The following GSG1L variants were observed in gnomAD, a reference collection of about 807,000 sequenced individuals.
GSG1L encodes the protein germ cell-specific gene 1-like protein.
A neutral mutation model predicts 42.1 loss-of-function variants in GSG1L; 24 were observed. The ratio of observed to expected loss-of-function variants is 0.57; its 90% CI spans 0.41 to 0.80. GSG1L has a LOEUF of 0.80. GSG1L is among the 30% of genes least tolerant of loss of function. The pLI, the probability that GSG1L is intolerant of heterozygous loss-of-function variation, is 0.00. For missense variants in GSG1L, 445 were observed against 472.2 expected (o/e 0.94, Z 0.53); for synonymous variants, 215 against 203.5 (o/e 1.06, Z -0.48).
intron 1 of GSG1L, among the ~76,000 whole-genome samples, chr16:28,057,166 C>T (rs1229020519): frequency 6.6e-6 from 1 of 152,080 alleles, no homozygotes; most frequent in African/African-American, 2.4e-5. Flanking sequence ...TCGACTGTGA[C>T]TGAGTGAGGA....
At chr16:27,998,008 C>G (rs985442358) in intron 1 of GSG1L, among the ~76,000 whole-genome samples, 2 of 152,020 alleles carry the variant, frequency 1.3e-5, no homozygotes, top group Non-Finnish European at 2.9e-5. Flanking sequence ...TACAGGCATG[C>G]GCCACCACTC....
chr16:28,058,334 G>T lies in GSG1L; in HGVS notation c.349+4742C>A, dbSNP rs188798778. On this transcript the variant is annotated intron_variant, in intron 1 of 6. Transcript: ENST00000447459. ...TAGGGCTATTATGCAGACAAAGGAA[G>T]TTATACTTGTCAGGCCAGCCACAGT... Among the ~76,000 whole-genome samples the T allele has an allele frequency of 2.9e-3, 440 of 152,302 alleles. 2 individuals carry two copies. Among genetic ancestry groups the T allele is most frequent in the South Asian group, 0.013 (63 of 4,830 alleles).
At chr16:27,793,363 G>GAAACATTTTGC (rs1484443583) in intron 6 of GSG1L, among the ~76,000 whole-genome samples, 1 of 152,166 alleles carries the variant, frequency 6.6e-6, no homozygotes, top group African/African-American at 2.4e-5. Flanking sequence ...TAAGGGGTGG[G>GAAACATTTTGC]AAACATTTTG....
rs549752965 is a variant in GSG1L at position 27,826,765 on chromosome 16, T to C, written c.830+2024A>G. Among the ~76,000 whole-genome samples, 9 of 152,272 alleles carry C rather than the reference T, an allele frequency of 5.9e-5. No homozygotes were observed. In the East Asian group the frequency reaches 1.5e-3, roughly 26 times the overall value. ...CCTGGGCATTCCAGTAAGCCCCACG[T>C]GTTGGGCAAAGCAGATTCTGGGGTC... is the stretch of plus-strand genomic sequence containing the variant. On this transcript the variant is annotated intron_variant, in intron 5 of 6. Transcript: ENST00000447459.
chr16:27,860,340 G>T (rs8058415), intron 3 of GSG1L, among the ~76,000 whole-genome samples: 1 of 152,200 alleles, frequency 6.6e-6, no homozygotes, highest in African/African-American at 2.4e-5. Flanking sequence ...TGCAGGAGCC[G>T]CATAGTAGGT....
At chr16:27,850,811 AT>A (rs35635112) in intron 3 of GSG1L, among the ~76,000 whole-genome samples, 60,924 of 143,068 alleles carry the variant, frequency 0.43, 13,111 homozygotes, top group East Asian at 0.69. Flanking sequence ...TTTTTTTTTT[AT>A]TTTTTTTTTG....
At chr16:27,967,933 A>G (rs1467587676) in intron 1 of GSG1L, among the ~76,000 whole-genome samples, 1 of 152,098 alleles carries the variant, frequency 6.6e-6, no homozygotes, top group Non-Finnish European at 1.5e-5. Context: ...AATATAATAT[A>G]ATATAAAGTG....
chr16:27,990,592 TAAAG>T, intron 1 of GSG1L, among the ~76,000 whole-genome samples: 1 of 152,298 alleles, frequency 6.6e-6, no homozygotes, highest in East Asian at 1.9e-4. Context: ...CTGTGATAAA[TAAAG>T]AATGACACTT....
At chr16:27,891,460 T>A (rs1412519296) in intron 2 of GSG1L, among the ~76,000 whole-genome samples, 1 of 152,108 alleles carries the variant, frequency 6.6e-6, no homozygotes, top group Non-Finnish European at 1.5e-5. Context: ...TTTTATTATT[T>A]GTTATTATTA....
chr16:27,816,986 C>T (rs926815469), intron 5 of GSG1L, among the ~76,000 whole-genome samples: 1 of 152,100 alleles, frequency 6.6e-6, no homozygotes, highest in African/African-American at 2.4e-5. Flanking sequence ...CAGTCACTGT[C>T]CCCAATAGCC....
At chr16:27,811,084 C>G (rs908523296) in intron 5 of GSG1L, among the ~76,000 whole-genome samples, 1 of 152,198 alleles carries the variant, frequency 6.6e-6, no homozygotes. Flanking sequence ...TTAGAGACAG[C>G]AAAAATCCCC....
At chr16:27,935,529 C>G (rs2084706164) in intron 2 of GSG1L, among the ~76,000 whole-genome samples, 1 of 152,148 alleles carries the variant, frequency 6.6e-6, no homozygotes, top group Admixed American at 6.5e-5. Context: ...GCCTCTCAGG[C>G]CATGCTGAGG....
intron 2 of GSG1L, among the ~76,000 whole-genome samples, chr16:27,926,137 C>A (rs2084589576): frequency 6.6e-6 from 1 of 152,214 alleles, no homozygotes; most frequent in African/African-American, 2.4e-5. Flanking sequence ...CAGGGACAGA[C>A]ACGGGACAGC....
At chr16:28,038,705 C>T (rs2086070074) in intron 1 of GSG1L, among the ~76,000 whole-genome samples, 1 of 152,208 alleles carries the variant, frequency 6.6e-6, no homozygotes, top group Admixed American at 6.5e-5. Flanking sequence ...GCAGGGCCTT[C>T]CAACCTGCCC....
intron 2 of GSG1L, among the ~76,000 whole-genome samples, chr16:27,921,007 C>T (rs780456457): frequency 5.9e-5 from 9 of 152,206 alleles, no homozygotes; most frequent in Middle Eastern, 3.4e-3. Flanking sequence ...TGAAATTAGC[C>T]GAGGTCCCTA....
At chr16:28,045,100 G>C (rs1032910186) in intron 1 of GSG1L, among the ~76,000 whole-genome samples, 2 of 152,112 alleles carry the variant, frequency 1.3e-5, no homozygotes, top group East Asian at 3.9e-4. Flanking sequence ...GGATTTTTTG[G>C]GGGTAGTGAA....
chr16:27,991,400 T>G (rs959803927), intron 1 of GSG1L, among the ~76,000 whole-genome samples: 1 of 152,056 alleles, frequency 6.6e-6, no homozygotes, highest in African/African-American at 2.4e-5. Context: ...GCATTATATT[T>G]CTTTTTTTGT....
intron 1 of GSG1L, among the ~76,000 whole-genome samples, chr16:27,983,983 C>A (rs977227128): frequency 1.3e-5 from 2 of 152,102 alleles, no homozygotes; most frequent in Non-Finnish European, 2.9e-5. Flanking sequence ...GAAACAATGC[C>A]CATAGCATAG....
At chr16:27,791,802 C>T (rs1207934729) in intron 6 of GSG1L, among the ~76,000 whole-genome samples, 1 of 152,020 alleles carries the variant, frequency 6.6e-6, no homozygotes, top group Non-Finnish European at 1.5e-5. Flanking sequence ...GCTCATGCAC[C>T]TCACACCTGC....
Sources: allele counts gnomAD v4.1 joint callset (sites outside exome capture counted in the v4.1 genomes callset), GRCh38; gene constraint gnomAD v4.1.1; transcripts MANE v1.5; gene names NCBI Gene and HGNC (gene_info 2026-07-23, HGNC 2026-07-21).